IFNG-AS1: variants seen among roughly 807,000 people sequenced by gnomAD.
The protein encoded by IFNG-AS1 is IFNG antisense RNA 1 (non-protein coding).
intron 3 of IFNG-AS1, among the ~76,000 whole-genome samples, chr12:68,017,402 T>C (rs2120481713): frequency 6.6e-6 from 1 of 152,022 alleles, no homozygotes; most frequent in Non-Finnish European, 1.5e-5. Flanking sequence ...TAGAAGGGGA[T>C]TAGAAGGGAA....
chr12:68,019,551 G>A (rs1202383897), intron 3 of IFNG-AS1, among the ~76,000 whole-genome samples: 1 of 152,188 alleles, frequency 6.6e-6, no homozygotes, highest in African/African-American at 2.4e-5. Context: ...TGCATATGAT[G>A]AGGCCAACCT....
rs551977269 is a variant in IFNG-AS1, at chr12:67,991,766, T to C, written n.51+2187T>C. ...TCTCTTTTAAATAGCTGGAAGTCTC[T>C]TAAACAGGTTCAAAAAACAAGACTT... On this transcript the variant is annotated intron_variant and non_coding_transcript_variant, in intron 1 of 5. Coordinates refer to ENST00000536914, the Ensembl canonical transcript of IFNG-AS1. Among the ~76,000 whole-genome samples, 3 of 152,354 alleles carry C rather than the reference T, an allele frequency of 2.0e-5. No individual in the cohort carries two copies. In the East Asian group the frequency reaches 5.8e-4, roughly 29 times the overall value.
chr12:68,017,526 A>T (rs1363919814), intron 3 of IFNG-AS1, among the ~76,000 whole-genome samples: 1 of 152,142 alleles, frequency 6.6e-6, no homozygotes, highest in Non-Finnish European at 1.5e-5. Flanking sequence ...AAATTTGGAG[A>T]TAAACTGGAT....
At chr12:67,989,663 G>A (rs757591357) in intron 1 of IFNG-AS1, 1 of 152,154 alleles carries the variant, frequency 6.6e-6, no homozygotes, top group Non-Finnish European at 1.5e-5. Context: ...TTTAGCTCCT[G>A]TGGGTGGAAT....
At chr12:68,000,629 A>G (rs1380691123) in intron 2 of IFNG-AS1, among the ~76,000 whole-genome samples, 1 of 152,198 alleles carries the variant, frequency 6.6e-6, no homozygotes, top group African/African-American at 2.4e-5. Context: ...CTGTGATTGC[A>G]CTAACGCACT....
intron 1 of IFNG-AS1, among the ~76,000 whole-genome samples, chr12:67,993,882 CAT>C (rs1291962517): frequency 6.6e-6 from 1 of 152,184 alleles, no homozygotes; most frequent in Non-Finnish European, 1.5e-5. Flanking sequence ...TAACTTTCCA[CAT>C]ATATTTCTTA....
rs191214440 is a variant in IFNG-AS1 at position 67,994,967 on chromosome 12, A to T, written n.52-974A>T. Among the ~76,000 whole-genome samples the T allele has an allele frequency of 4.3e-3, 656 of 152,320 alleles. 4 individuals are homozygous for T. The highest frequency in any genetic ancestry group is 0.019 in the South Asian group (91 of 4,826). On this transcript the variant is annotated intron_variant and non_coding_transcript_variant, in intron 1 of 5. Coordinates refer to ENST00000536914, the Ensembl canonical transcript of IFNG-AS1. The stretch of plus-strand genomic sequence containing the variant: ...CTAATATGTTTCATAAATTGTATAT[A>T]ATATGCTTACAAGAGTGTCTTAATA...
intron 2 of IFNG-AS1, among the ~76,000 whole-genome samples, chr12:68,002,182 G>A (rs1039401728): frequency 3.9e-5 from 6 of 152,190 alleles, no homozygotes; most frequent in Admixed American, 1.3e-4. Context: ...CAAATTGTGC[G>A]TGAGTCAGTG....
intron 3 of IFNG-AS1, among the ~76,000 whole-genome samples, chr12:68,011,757 G>A (rs1880033617): frequency 6.6e-6 from 1 of 152,168 alleles, no homozygotes; most frequent in Non-Finnish European, 1.5e-5. Flanking sequence ...ATCAGCAAGG[G>A]CCAAAATCAA....
At chr12:68,016,728 A>G (rs903471556) in intron 3 of IFNG-AS1, among the ~76,000 whole-genome samples, 3 of 152,168 alleles carry the variant, frequency 2.0e-5, no homozygotes, top group Admixed American at 2.0e-4. Flanking sequence ...AAGTGGAATC[A>G]CTTAAATGAT....
chr12:67,991,470 T>C lies in IFNG-AS1; in HGVS notation n.51+1891T>C, dbSNP rs536713941. ...CTCAGGAGACCAGGGGATGCTCGAC[T>C]GTGGCTAGATCCAGACAGACCCCCG... On this transcript the variant is annotated intron_variant and non_coding_transcript_variant, in intron 1 of 5. Transcript: ENST00000536914. Among the ~76,000 whole-genome samples, 10 of 152,356 alleles carry C rather than the reference T, an allele frequency of 6.6e-5. No individual in the cohort carries two copies. The South Asian group carries it at 1.9e-3, about 28-fold the overall frequency.
chr12:67,991,274 C>T (rs1218165632), intron 1 of IFNG-AS1, among the ~76,000 whole-genome samples: 4 of 152,140 alleles, frequency 2.6e-5, no homozygotes, highest in South Asian at 2.1e-4. Flanking sequence ...AAATAAAAGA[C>T]GGCACATGCT....
At chr12:68,020,222 A>G (rs1880255108) in intron 4 of IFNG-AS1, 1 of 152,156 alleles carries the variant, frequency 6.6e-6, no homozygotes, top group Admixed American at 6.5e-5. Context: ...AGCATGACAC[A>G]CGAATCATGA....
chr12:67,990,645 G>A lies in IFNG-AS1; in HGVS notation n.51+1066G>A, dbSNP rs958122174. Among the ~76,000 whole-genome samples the A allele has an allele frequency of 1.2e-4, 18 of 151,716 alleles. 1 individual carries two copies. Among genetic ancestry groups the A allele is most frequent in the South Asian group, 8.3e-4 (4 of 4,794 alleles). Reference sequence around the variant, plus strand: ...GTCTCGCACTGTCGACCGGGCTGGAGTGCAGTGGCGCGATCTCAGCTCACT... The same window carrying A: ...GTCTCGCACTGTCGACCGGGCTGGAATGCAGTGGCGCGATCTCAGCTCACT... On this transcript the variant is annotated intron_variant and non_coding_transcript_variant, in intron 1 of 5. Transcript: ENST00000536914.
intron 3 of IFNG-AS1, among the ~76,000 whole-genome samples, chr12:68,006,466 C>T (rs1479365338): frequency 6.6e-6 from 1 of 152,104 alleles, no homozygotes; most frequent in Non-Finnish European, 1.5e-5. Context: ...ATCTCCCTCA[C>T]TCATGAAGGA....
intron 1 of IFNG-AS1, among the ~76,000 whole-genome samples, chr12:67,991,658 T>C (rs1172422174): frequency 2.0e-5 from 3 of 152,224 alleles, no homozygotes; most frequent in Non-Finnish European, 4.4e-5. Flanking sequence ...AACCCAGAAC[T>C]TTTGCCAAGG....
intron 3 of IFNG-AS1, among the ~76,000 whole-genome samples, chr12:68,015,170 A>G (rs1880120476): frequency 6.6e-6 from 1 of 152,174 alleles, no homozygotes; most frequent in Non-Finnish European, 1.5e-5. Context: ...TCTTATCTAA[A>G]GCAAGCCAGA....
chr12:68,007,739 G>A (rs1879937505), intron 3 of IFNG-AS1, among the ~76,000 whole-genome samples: 1 of 152,140 alleles, frequency 6.6e-6, no homozygotes, highest in Non-Finnish European at 1.5e-5. Flanking sequence ...AAAATAGAAG[G>A]AAAATACTTT....
chr12:68,002,153 G>A (rs1879784054), intron 2 of IFNG-AS1, among the ~76,000 whole-genome samples: 1 of 152,188 alleles, frequency 6.6e-6, no homozygotes, highest in South Asian at 2.1e-4. Context: ...TAGAATCAAT[G>A]AGACCAAGGT....
Sources: gnomAD v4.1 joint callset for allele counts (sites outside exome capture counted in the v4.1 genomes callset) on GRCh38, gnomAD v4.1.1 for gene constraint, MANE v1.5 for transcripts, NCBI Gene and HGNC (gene_info 2026-07-23, HGNC 2026-07-21) for gene names.